Variants in CHL1 observed in about 807,000 individuals in gnomAD.
CHL1 encodes the protein cell adhesion molecule L1 like, also known as neural cell adhesion molecule L1-like protein.
In CHL1, 96 loss-of-function variants were observed where a neutral mutation model predicts 141.9. The observed-to-expected ratio is 0.68, with a 90% CI of 0.57 to 0.80. The LOEUF is 0.80. Among genes scored for constraint, CHL1 ranks in the 30% least tolerant of loss-of-function variants. CHL1 has a pLI of 0.00. For missense variants in CHL1, 1,820 were observed against 1,457.2 expected (o/e 1.25, Z -4.05); for synonymous variants, 613 against 502.2 (o/e 1.22, Z -2.95).
chr3:285,496 C>A (rs1004795989), intron 2 of CHL1, among the ~76,000 whole-genome samples: 2 of 152,120 alleles, frequency 1.3e-5, no homozygotes, highest in African/African-American at 4.8e-5. Flanking sequence ...CATTTCAGTT[C>A]TTTCCCTAAT....
intron 1 of CHL1, among the ~76,000 whole-genome samples, chr3:211,713 A>G (rs772515446): frequency 1.6e-4 from 25 of 152,214 alleles, no homozygotes; most frequent in South Asian, 6.2e-4. Flanking sequence ...CGTAGTTTTC[A>G]TATTTCAAAA....
At chr3:349,287 G>A (rs1703037964) in intron 9 of CHL1, 72 bp from the exon 10 acceptor site, 3 of 1,313,576 alleles carry the variant, frequency 2.3e-6, no homozygotes, top group African/African-American at 3.0e-5. Flanking sequence ...TAAAGGATGT[G>A]TCCTAAGGTT....
rs1704118443 is a variant in CHL1 at position 360,378 on chromosome 3, A to G, written c.1260A>G (p.Ser420=). 6.2e-7 allele frequency: 1 copy of G among 1,613,794 alleles called. No homozygotes were observed. The highest frequency in any genetic ancestry group is 8.5e-7 in the Non-Finnish European group (1 of 1,179,876). Residue 420 remains serine (S), a synonymous_variant, in exon 12 of 28, where the codon TCA becomes TCG. Transcript: ENST00000256509. ...CTGCTGTGTACCAGTGTGAAGCCTCAAATGTCCATGGAACTATCCTTGCCA... is the reference window on the plus strand; with the variant it reads ...CTGCTGTGTACCAGTGTGAAGCCTCGAATGTCCATGGAACTATCCTTGCCA... ...NHTAVYQCEA[S]NVHGTILANA... is the part of the protein sequence containing the mutation.
intron 2 of CHL1, among the ~76,000 whole-genome samples, chr3:305,963 A>G (rs1699192730): frequency 6.6e-6 from 1 of 152,196 alleles, no homozygotes; most frequent in Non-Finnish European, 1.5e-5. Context: ...ACTATTAAAC[A>G]TGTGTATTTA....
At chr3:373,429 G>A (rs1705896125) in intron 15 of CHL1, among the ~76,000 whole-genome samples, 2 of 152,370 alleles carry the variant, frequency 1.3e-5, no homozygotes, top group South Asian at 4.1e-4. Context: ...GTGTTGGGCT[G>A]TGGGGGACGT....
chr3:399,255 A>G (rs1003293924), intron 26 of CHL1, 107 bp downstream of exon 26: 6 of 824,988 alleles, frequency 7.3e-6, no homozygotes, highest in African/African-American at 3.4e-5. Context: ...TCAAATTTAT[A>G]TTAGCAAGTT....
chr3:390,828 C>T lies in CHL1; in HGVS notation c.2586+12C>T, dbSNP rs745358166. On this transcript the variant is annotated intron_variant, in intron 21 of 27. Transcript: ENST00000256509. ...TGAAAGGCTATCAGGTTTTTATCAT[C>T]ATGGTTTTTCCTCTTCTTGTTGAAT... is the stretch of plus-strand genomic sequence containing the variant. 2.6e-6 allele frequency: 4 copies of T among 1,548,398 alleles called. No homozygotes were observed. In the African/African-American group the frequency reaches 5.5e-5, roughly 21 times the overall value.
At chr3:385,133 G>C (rs967596357) in intron 19 of CHL1, among the ~76,000 whole-genome samples, 2 of 152,102 alleles carry the variant, frequency 1.3e-5, no homozygotes, top group African/African-American at 4.8e-5. Flanking sequence ...AATGATGTTA[G>C]TCTTTTAGGG....
rs1340009514 is a variant in CHL1 at position 405,915 on chromosome 3, T to A, written c.*204T>A. Reference sequence around the variant, plus strand: ...GCACTTCAGGCCTATGTTTTGCTTATATTGTTTTCAGGTGCTCAAAATGCA... The same window carrying A: ...GCACTTCAGGCCTATGTTTTGCTTAAATTGTTTTCAGGTGCTCAAAATGCA... On this transcript the variant is annotated 3_prime_UTR_variant, in exon 28 of 28. Coordinates refer to ENST00000256509, the MANE Select transcript of CHL1 (RefSeq NM_006614.4). The A allele has an allele frequency of 2.0e-6, 1 of 503,574 alleles. No homozygotes were observed. The highest frequency in any genetic ancestry group is 1.9e-5 in the African/African-American group (1 of 51,664). The allele number at this position is 503,574 out of a possible 1,614,324, so 31.2% of individuals were successfully genotyped here. A position where few individuals can be genotyped will look rare whatever the true frequency, so the allele number is the denominator to read the frequency against.
At chr3:268,696 A>C (rs994492303) in intron 2 of CHL1, among the ~76,000 whole-genome samples, 1 of 152,234 alleles carries the variant, frequency 6.6e-6, no homozygotes, top group Non-Finnish European at 1.5e-5. Flanking sequence ...TGCAAAACTG[A>C]ATAAGAATTA....
At chr3:342,145 T>C in intron 7 of CHL1, 63 bp downstream of exon 7, 1 of 1,459,374 alleles carries the variant, frequency 6.9e-7, no homozygotes, top group Non-Finnish European at 9.4e-7. Flanking sequence ...TGTAATTTCC[T>C]TCTGGCTGAA....
intron 15 of CHL1, among the ~76,000 whole-genome samples, chr3:374,926 T>C (rs1055614083): frequency 2.0e-5 from 3 of 152,192 alleles, no homozygotes; most frequent in Non-Finnish European, 4.4e-5. Context: ...CAAATATACA[T>C]GGTGAACAAT....
At chr3:247,496 G>A (rs1389589410) in intron 2 of CHL1, 1 of 151,974 alleles carries the variant, frequency 6.6e-6, no homozygotes, top group Non-Finnish European at 1.5e-5. Flanking sequence ...CATATTAGAC[G>A]CTTTGTAAGT....
At chr3:344,503 T>C in intron 8 of CHL1, 86 bp from the exon 9 acceptor site, 1 of 985,210 alleles carries the variant, frequency 1.0e-6, no homozygotes, top group Non-Finnish European at 1.5e-6. Context: ...GTGTGTCGGA[T>C]TTTTTGTTTT....
At position 216,629 on chromosome 3, in the gene CHL1, C is replaced by A. The variant is rs542725045; in HGVS notation, c.-175+19566C>A. Among the ~76,000 whole-genome samples, 34 of 152,316 alleles carry A rather than the reference C, an allele frequency of 2.2e-4. No individual in the cohort carries two copies. In the South Asian group the frequency reaches 7.0e-3, roughly 32 times the overall value. ...GAACTTCAAATTTCTCCTATCACTG[C>A]CAACTACCCATGGGTATTGGCAATA... On this transcript the variant is annotated intron_variant, in intron 1 of 27. Transcript: ENST00000256509.
intron 2 of CHL1, among the ~76,000 whole-genome samples, chr3:295,188 G>A (rs745935766): frequency 1.3e-5 from 2 of 152,092 alleles, no homozygotes; most frequent in Non-Finnish European, 2.9e-5. Context: ...CAAAATTTAG[G>A]GAAGGAGCTG....
intron 2 of CHL1, among the ~76,000 whole-genome samples, chr3:296,886 T>C (rs1436551622): frequency 6.6e-6 from 1 of 152,084 alleles, no homozygotes; most frequent in Admixed American, 6.5e-5. Flanking sequence ...GCAAACTACA[T>C]AGTGAAGTCA....
At chr3:320,919 G>C (rs867975709) in intron 3 of CHL1, among the ~76,000 whole-genome samples, 1 of 151,892 alleles carries the variant, frequency 6.6e-6, no homozygotes, top group Non-Finnish European at 1.5e-5. Flanking sequence ...AGAGGTGTTG[G>C]TTGTTTATTA....
At chr3:276,482 AG>A (rs1467473906) in intron 2 of CHL1, among the ~76,000 whole-genome samples, 3 of 152,196 alleles carry the variant, frequency 2.0e-5, no homozygotes, top group African/African-American at 7.2e-5. Context: ...TTTGACCATG[AG>A]GTTTCAATAA....
Sources: gnomAD v4.1 joint callset for allele counts (sites outside exome capture counted in the v4.1 genomes callset) on GRCh38, gnomAD v4.1.1 for gene constraint, MANE v1.5 for transcripts, NCBI Gene and HGNC (gene_info 2026-07-23, HGNC 2026-07-21) for gene names.